The following KCNIP4 variants were observed in gnomAD, a reference collection of about 807,000 sequenced individuals.
The protein encoded by KCNIP4 is Kv channel-interacting protein 4.
KCNIP4 carries 12 observed loss-of-function variants against 34.0 expected under a neutral mutation model. That is an observed-to-expected ratio of 0.35 (90% CI 0.23 to 0.57). The LOEUF (loss-of-function observed/expected upper bound fraction) is 0.57, where lower values mean the gene tolerates loss of function less well. Ranked by LOEUF, KCNIP4 falls within the 20% of genes least tolerant of loss-of-function variation. The pLI, the probability that KCNIP4 is intolerant of heterozygous loss-of-function variation, is 0.83. For synonymous variants in KCNIP4, 124 were observed against 102.2 expected (o/e 1.21, Z -1.29); for missense variants, 238 against 311.7 (o/e 0.76, Z 1.78).
intron 1 of KCNIP4, among the ~76,000 whole-genome samples, chr4:21,073,092 T>C (rs1745129029): frequency 6.6e-6 from 1 of 152,158 alleles, no homozygotes; most frequent in Non-Finnish European, 1.5e-5. Flanking sequence ...TGCTTCCAGT[T>C]TTGTTCTTTT....
At chr4:21,353,924 A>G (rs961149076) in intron 1 of KCNIP4, among the ~76,000 whole-genome samples, 2 of 152,228 alleles carry the variant, frequency 1.3e-5, no homozygotes, top group Non-Finnish European at 2.9e-5. Context: ...CACAAAGGGA[A>G]GCCCATTAGA....
intron 1 of KCNIP4, among the ~76,000 whole-genome samples, chr4:21,070,221 T>G (rs1744766215): frequency 1.3e-5 from 2 of 152,170 alleles, no homozygotes; most frequent in South Asian, 2.1e-4. Flanking sequence ...GTACCAGAGT[T>G]TGTTTAACTG....
Position 21,072,137 on chromosome 4 carries a change from T to A in KCNIP4, c.62-189428A>T, listed in dbSNP as rs79278349. On this transcript the variant is annotated intron_variant, in intron 1 of 8. Coordinates refer to ENST00000382152, the MANE Select transcript of KCNIP4 (RefSeq NM_025221.6). The stretch of plus-strand genomic sequence containing the variant: ...TGTGTCTTTATAACAACATGATTTA[T>A]AATCCTTTGGGTATATACCCAGTAA... Among the ~76,000 whole-genome samples the A allele has an allele frequency of 5.4e-3, 830 of 152,356 alleles. 27 individuals carry two copies. The East Asian group carries it at 0.11, about 20-fold the overall frequency.
At chr4:21,755,187 C>T (rs949057665) in intron 1 of KCNIP4, among the ~76,000 whole-genome samples, 4 of 152,050 alleles carry the variant, frequency 2.6e-5, no homozygotes, top group Non-Finnish European at 2.9e-5. Flanking sequence ...GCTTTAGAGT[C>T]GAGCATGGAT....
At chr4:21,010,333 A>G (rs1738958877) in intron 1 of KCNIP4, among the ~76,000 whole-genome samples, 1 of 152,234 alleles carries the variant, frequency 6.6e-6, no homozygotes, top group South Asian at 2.1e-4. Context: ...CATTTAAAAT[A>G]GAAAAGAAAT....
chr4:21,788,584 C>A (rs549334970), intron 1 of KCNIP4, among the ~76,000 whole-genome samples: 2 of 152,228 alleles, frequency 1.3e-5, no homozygotes, highest in South Asian at 4.1e-4. Context: ...CAAAGGGTAG[C>A]GGGCTAAGGC....
chr4:21,381,068 A>T (rs1473813296), intron 1 of KCNIP4, among the ~76,000 whole-genome samples: 1 of 152,186 alleles, frequency 6.6e-6, no homozygotes, highest in Non-Finnish European at 1.5e-5. Context: ...CAGCAGTGTC[A>T]TTGTCCAAAG....
intron 1 of KCNIP4, among the ~76,000 whole-genome samples, chr4:21,745,372 T>A (rs1480962106): frequency 6.6e-6 from 1 of 152,218 alleles, no homozygotes; most frequent in Non-Finnish European, 1.5e-5. Flanking sequence ...TTTGCCTTAA[T>A]AACTGTGATA....
chr4:21,788,127 ACACTG>A (rs1720030550), intron 1 of KCNIP4, among the ~76,000 whole-genome samples: 1 of 152,206 alleles, frequency 6.6e-6, no homozygotes, highest in South Asian at 2.1e-4. Context: ...CAAGTAAACC[ACACTG>A]GACATTTCAA....
At chr4:21,220,776 A>C (rs1577909280) in intron 1 of KCNIP4, among the ~76,000 whole-genome samples, 1 of 152,216 alleles carries the variant, frequency 6.6e-6, no homozygotes, top group Admixed American at 6.5e-5. Context: ...CTTCACTTTT[A>C]GTTTCTAAAA....
chr4:21,925,109 G>A (rs1024581221), intron 1 of KCNIP4, among the ~76,000 whole-genome samples: 5 of 151,376 alleles, frequency 3.3e-5, no homozygotes, highest in African/African-American at 1.2e-4. Context: ...TATACTTTAA[G>A]TTTTAGGGTA....
In KCNIP4 at chr4:20,803,719, G is replaced by A. The variant is rs1560477086; in HGVS notation, c.289-44829C>T. Among the ~76,000 whole-genome samples the A allele has an allele frequency of 3.6e-4, 41 of 114,956 alleles. 1 individual carries two copies. In the South Asian group the frequency reaches 0.013, roughly 36 times the overall value. The allele number at this position is 114,956 out of a possible 152,430, so 75.4% of individuals were successfully genotyped here. A position where few individuals can be genotyped will look rare whatever the true frequency, so the allele number is the denominator to read the frequency against. On this transcript the variant is annotated intron_variant, in intron 3 of 8. Coordinates refer to ENST00000382152, the MANE Select transcript of KCNIP4 (RefSeq NM_025221.6). Reference sequence around the variant, plus strand: ...AGAGAGAGAAAGAGAGAGAGAGAGAGAGAGAGAGAGGAAGGAAGGAAGGAA... The same window carrying A: ...AGAGAGAGAAAGAGAGAGAGAGAGAAAGAGAGAGAGGAAGGAAGGAAGGAA...
intron 3 of KCNIP4, among the ~76,000 whole-genome samples, chr4:20,795,504 A>C (rs1362948603): frequency 6.6e-6 from 1 of 152,168 alleles, no homozygotes; most frequent in African/African-American, 2.4e-5. Context: ...TCAGTAATGC[A>C]GTCTTTCTCT....
intron 1 of KCNIP4, among the ~76,000 whole-genome samples, chr4:21,228,248 G>A (rs554847422): frequency 6.6e-6 from 1 of 152,228 alleles, no homozygotes; most frequent in African/African-American, 2.4e-5. Flanking sequence ...GATAGTGAGT[G>A]AGTTCTTACA....
intron 1 of KCNIP4, among the ~76,000 whole-genome samples, chr4:21,940,763 T>C (rs972318734): frequency 2.0e-5 from 3 of 152,182 alleles, no homozygotes; most frequent in African/African-American, 4.8e-5. Context: ...TTTCTCTAAA[T>C]TAAACTTCTC....
intron 2 of KCNIP4, among the ~76,000 whole-genome samples, chr4:20,872,632 T>A (rs1293041306): frequency 6.6e-6 from 1 of 152,148 alleles, no homozygotes; most frequent in Non-Finnish European, 1.5e-5. Context: ...GGAAAATAGG[T>A]TGTATAGCTC....
chr4:21,844,169 A>T (rs1479539644), intron 1 of KCNIP4: 1 of 152,094 alleles, frequency 6.6e-6, no homozygotes, highest in African/African-American at 2.4e-5. Flanking sequence ...TTTCAGAAGA[A>T]TTTAGGACAC....
chr4:21,534,398 T>A (rs572581430), intron 1 of KCNIP4, among the ~76,000 whole-genome samples: 1 of 152,296 alleles, frequency 6.6e-6, no homozygotes, highest in South Asian at 2.1e-4. Flanking sequence ...CTTTTATGGA[T>A]TTTATTTTCA....
At chr4:21,420,995 T>A (rs1166791059) in intron 1 of KCNIP4, among the ~76,000 whole-genome samples, 1 of 152,180 alleles carries the variant, frequency 6.6e-6, no homozygotes, top group Non-Finnish European at 1.5e-5. Context: ...AATAGACATT[T>A]CTTTAAAGAA....
Sources: allele counts gnomAD v4.1 joint callset (sites outside exome capture counted in the v4.1 genomes callset), GRCh38; gene constraint gnomAD v4.1.1; transcripts MANE v1.5; gene names NCBI Gene and HGNC (gene_info 2026-07-23, HGNC 2026-07-21).